TMBIM4: variants seen among roughly 807,000 people sequenced by gnomAD.
TMBIM4 encodes transmembrane BAX inhibitor motif containing 4, also known as protein lifeguard 4.
In TMBIM4, 28 loss-of-function variants were observed where a neutral mutation model predicts 27.7. The observed-to-expected ratio is 1.01, with a 90% confidence interval of 0.75 to 1.38. The LOEUF is 1.38. TMBIM4 is among the 40% of genes most tolerant of loss of function. TMBIM4 has a pLI of 0.00. For synonymous variants in TMBIM4, 115 were observed against 113.1 expected (o/e 1.02, Z -0.11); for missense variants, 265 against 277.5 (o/e 0.95, Z 0.32).
chr12:66,166,717 C>G (rs1294342021), intron 1 of TMBIM4, among the ~76,000 whole-genome samples: 1 of 152,222 alleles, frequency 6.6e-6, no homozygotes, highest in East Asian at 1.9e-4. Context: ...AGTACAGCCA[C>G]TTTGTAAGAC....
intron 1 of TMBIM4, among the ~76,000 whole-genome samples, chr12:66,155,210 GAAA>G (rs142153668): frequency 0.013 from 1,933 of 151,870 alleles, 15 homozygotes; most frequent in Middle Eastern, 0.044. Context: ...TGGGCTATGA[GAAA>G]AAAAATCATA....
intron 6 of TMBIM4, 65 bp from the exon 7 acceptor site, chr12:66,138,231 C>T: frequency 6.5e-7 from 1 of 1,540,296 alleles, no homozygotes; most frequent in East Asian, 2.4e-5. Context: ...ACTTAACTTA[C>T]TTCCTCTAAT....
intron 1 of TMBIM4, among the ~76,000 whole-genome samples, chr12:66,158,409 G>A (rs2051979833): frequency 6.6e-6 from 1 of 151,992 alleles, no homozygotes; most frequent in Admixed American, 6.6e-5. Context: ...GGGAGGCCAA[G>A]GCGGGCAGAT....
At chr12:66,138,851 A>C in intron 5 of TMBIM4, 82 bp from the exon 6 acceptor site, 2 of 1,371,284 alleles carry the variant, frequency 1.5e-6, no homozygotes, top group Non-Finnish European at 1.9e-6. Context: ...TTTCTGAAAA[A>C]AACATCCATC....
intron 1 of TMBIM4, among the ~76,000 whole-genome samples, chr12:66,165,103 A>T (rs1157303726): frequency 6.6e-6 from 1 of 152,194 alleles, no homozygotes; most frequent in East Asian, 1.9e-4. Context: ...ATCATTATAC[A>T]TTGGAAAACC....
chr12:66,150,377 TCTTCCTTC>T (rs530234822), intron 3 of TMBIM4, among the ~76,000 whole-genome samples: 2 of 151,838 alleles, frequency 1.3e-5, no homozygotes, highest in African/African-American at 4.8e-5. Context: ...CTCTCTCCTT[TCTTCCTTC>T]CTTCCTTCCT....
chr12:66,166,464 C>CAAAAA (rs59822799), intron 1 of TMBIM4, among the ~76,000 whole-genome samples: 71 of 100,620 alleles, frequency 7.1e-4, no homozygotes, highest in East Asian at 1.8e-3. Flanking sequence ...TACTTTGTCT[C>CAAAAA]AAAAAAAAAA....
At chr12:66,148,088 A>G (rs188828733) in intron 3 of TMBIM4, 147 bp from the exon 4 acceptor site, 63 of 587,968 alleles carry the variant, frequency 1.1e-4, no homozygotes, top group African/African-American at 1.0e-3. Flanking sequence ...GGCAGTTAGT[A>G]AACCCACCAT....
chr12:66,155,359 A>AGAGAGAGAGAGAGAGAGAGAGAGAGAG (rs1319061177), intron 1 of TMBIM4, among the ~76,000 whole-genome samples: 1 of 150,620 alleles, frequency 6.6e-6, no homozygotes. Flanking sequence ...AGAGAGAGAG[A>AGAGAGAGAGAGAGAGAGAGAGAGAGAG]GGCAGGGTCT....
Position 66,151,757 on chromosome 12 carries a change from A to T in TMBIM4, c.312+514T>A, listed in dbSNP as rs140942123. On this transcript the variant is annotated intron_variant, in intron 3 of 6. Coordinates refer to ENST00000358230, the MANE Select transcript of TMBIM4 (RefSeq NM_016056.4). ...ACATGACTTAAAGTTGGGTTCTCCC[A>T]ACTATAATTTTGAAAAAAGTTACTA... Among the ~76,000 whole-genome samples, 27 of 152,334 alleles carry T rather than the reference A, an allele frequency of 1.8e-4. No individual in the cohort carries two copies. The East Asian group carries it at 5.2e-3, about 29-fold the overall frequency.
chr12:66,144,707 A>G (rs2051723173), intron 5 of TMBIM4: 1 of 152,196 alleles, frequency 6.6e-6, no homozygotes, highest in African/African-American at 2.4e-5. Context: ...TTCAACAAAT[A>G]GTTTTTCAAG....
chr12:66,163,436 G>C (rs12814606), intron 1 of TMBIM4, among the ~76,000 whole-genome samples: 1 of 151,948 alleles, frequency 6.6e-6, no homozygotes, highest in Non-Finnish European at 1.5e-5. Context: ...TTTCTACAGC[G>C]GGGGAAGGCC....
intron 1 of TMBIM4, among the ~76,000 whole-genome samples, chr12:66,159,778 T>C (rs1228916403): frequency 6.6e-6 from 1 of 152,174 alleles, no homozygotes. Flanking sequence ...AGAGGGTTAT[T>C]TATTGCTTAC....
intron 3 of TMBIM4, among the ~76,000 whole-genome samples, chr12:66,150,039 T>G (rs1210668837): frequency 2.0e-5 from 3 of 152,200 alleles, no homozygotes; most frequent in Non-Finnish European, 1.5e-5. Context: ...CATTTTTAGC[T>G]ATGGGCATGA....
chr12:66,154,595 T>C (rs536706059), intron 1 of TMBIM4, among the ~76,000 whole-genome samples: 101 of 152,208 alleles, frequency 6.6e-4, no homozygotes, highest in Non-Finnish European at 1.1e-3. Context: ...AAAAATCATG[T>C]TGAATGACTT....
rs1213169325 is a variant in TMBIM4, at chr12:66,148,418, T to TAG, written c.313-478_313-477insCT. Among the ~76,000 whole-genome samples, 12 of 152,322 alleles carry TAG rather than the reference T, an allele frequency of 7.9e-5. No individual in the cohort carries two copies. The East Asian group carries it at 2.3e-3, about 29-fold the overall frequency. On this transcript the variant is annotated intron_variant, in intron 3 of 6. Transcript: ENST00000358230. ...AATTTTTACCTGGACACATGGCTGTTCAGATTAAACTGCATTTTTTCAGTC... is the reference window on the plus strand; with the variant it reads ...AATTTTTACCTGGACACATGGCTGTTAGCAGATTAAACTGCATTTTTTCAGTC...
chr12:66,162,076 C>G (rs887936137), intron 1 of TMBIM4, among the ~76,000 whole-genome samples: 9 of 124,662 alleles, frequency 7.2e-5, no homozygotes, highest in Non-Finnish European at 1.2e-4. Context: ...CCCAACATCA[C>G]TAAAAAAAAA....
At chr12:66,144,910 C>G (rs890587238) in intron 5 of TMBIM4, 7 of 151,844 alleles carry the variant, frequency 4.6e-5, no homozygotes, top group African/African-American at 9.7e-5. Context: ...GCAAGTTTAC[C>G]AGAAAAGGAT....
At chr12:66,165,139 T>C (rs1436461527) in intron 1 of TMBIM4, among the ~76,000 whole-genome samples, 3 of 152,174 alleles carry the variant, frequency 2.0e-5, no homozygotes. Flanking sequence ...CAAAGTAACC[T>C]ACTTTGGGTA....
Sources: allele counts gnomAD v4.1 joint callset (sites outside exome capture counted in the v4.1 genomes callset), GRCh38; gene constraint gnomAD v4.1.1; transcripts MANE v1.5; gene names NCBI Gene and HGNC (gene_info 2026-07-23, HGNC 2026-07-21).